The following LARP1B variants were observed in gnomAD, a reference collection of about 807,000 sequenced individuals.
The protein encoded by LARP1B is La ribonucleoprotein 1B.
LARP1B carries 76 observed loss-of-function variants against 114.2 expected under a neutral mutation model. That is an observed-to-expected ratio of 0.67 (90% confidence interval 0.55 to 0.81). LARP1B has a LOEUF of 0.81. LARP1B is among the 30% of genes least tolerant of loss of function. The pLI is 0.00. For missense variants in LARP1B, 1,014 were observed against 1,075.8 expected, an observed-to-expected ratio of 0.94 and a Z score of 0.80; for synonymous variants, 345 against 348.0, an observed-to-expected ratio of 0.99 and a Z score of 0.10.
intron 8 of LARP1B, among the ~76,000 whole-genome samples, chr4:128,103,232 A>G (rs367583752): frequency 1.3e-5 from 2 of 152,128 alleles, no homozygotes; most frequent in Non-Finnish European, 2.9e-5. Flanking sequence ...TAATTTTTAT[A>G]TGATCCTTTT....
Position 128,199,450 on chromosome 4 carries a change from C to G in LARP1B, c.2015C>G (p.Ala672Gly). 1 of 1,533,814 alleles carries G rather than the reference C, an allele frequency of 6.5e-7. No homozygotes were observed. The highest frequency in any genetic ancestry group is 8.8e-7 in the Non-Finnish European group (1 of 1,137,096). The change falls in exon 16 of 20, where the codon GCT becomes GGT. Residue 672 changes from alanine (A) to glycine (G), a missense_variant. Physicochemically the swap from Ala to Gly is moderately conservative, Grantham distance 60 (BLOSUM62 0). Coordinates refer to ENST00000326639, the MANE Select transcript of LARP1B (RefSeq NM_018078.4). The stretch of plus-strand genomic sequence containing the variant: ...CCTTTCTCAAACAGCACTTCAAATG[C>G]TTCACCTTCAGAAGGCGCACCACTA... ...PGTSSVSTSN[A>G]SPSEGAPLAG...
intron 15 of LARP1B, among the ~76,000 whole-genome samples, chr4:128,195,413 G>C (rs1336199024): frequency 6.6e-6 from 1 of 151,976 alleles, no homozygotes; most frequent in African/African-American, 2.4e-5. Context: ...CTACCTCTTT[G>C]CTTCCTTCTG....
At chr4:128,116,068 G>A (rs1785705428) in intron 10 of LARP1B, among the ~76,000 whole-genome samples, 1 of 152,198 alleles carries the variant, frequency 6.6e-6, no homozygotes, top group Non-Finnish European at 1.5e-5. Context: ...GATTTAATGT[G>A]CAAAAGGAAA....
chr4:128,113,254 A>C (rs1784704794), intron 9 of LARP1B, among the ~76,000 whole-genome samples: 1 of 152,194 alleles, frequency 6.6e-6, no homozygotes, highest in Non-Finnish European at 1.5e-5. Flanking sequence ...AGATCTAAAC[A>C]TGAATATAAC....
downstream of LARP1B, among the ~76,000 whole-genome samples, chr4:128,213,772 A>G (rs1355056650): frequency 2.0e-5 from 3 of 152,184 alleles, no homozygotes; most frequent in Non-Finnish European, 4.4e-5. Flanking sequence ...GACATTTTCT[A>G]TATAAAAGGA....
At chr4:128,075,081 A>G in intron 3 of LARP1B, 88 bp downstream of exon 3, 1 of 912,286 alleles carries the variant, frequency 1.1e-6, no homozygotes, top group Non-Finnish European at 1.7e-6. Context: ...TAAAATGTAA[A>G]GAATTGTCAT....
chr4:128,090,352 C>A (rs1775452597), intron 5 of LARP1B, among the ~76,000 whole-genome samples: 1 of 152,184 alleles, frequency 6.6e-6, no homozygotes, highest in South Asian at 2.1e-4. Flanking sequence ...GGATTGCCGG[C>A]CTGAGCCACC....
At chr4:128,100,147 A>G (rs765888603) in intron 8 of LARP1B, among the ~76,000 whole-genome samples, 55 of 151,908 alleles carry the variant, frequency 3.6e-4, no homozygotes, top group Middle Eastern at 3.4e-3. Context: ...TTTTTAATAG[A>G]GACGAGATTT....
intron 4 of LARP1B, among the ~76,000 whole-genome samples, chr4:128,078,676 G>A (rs775528483): frequency 4.6e-5 from 7 of 151,692 alleles, no homozygotes; most frequent in Non-Finnish European, 8.8e-5. Flanking sequence ...ACACTTTGAA[G>A]GAATGAAAAT....
chr4:128,093,022 A>G, intron 7 of LARP1B: 1 of 985,360 alleles, frequency 1.0e-6, no homozygotes, highest in East Asian at 1.1e-4. Context: ...TAGAATCCAG[A>G]GCCTCTAAGG....
Position 128,178,392 on chromosome 4 carries a change from C to T in LARP1B, c.1685-39C>T, listed in dbSNP as rs201339092. ...CTTATTCTCAAAGTAAAATATTTTC[C>T]TAGCATCTAAATAATTTTAAGAGTT... On this transcript the variant is annotated intron_variant, in intron 13 of 19. Coordinates refer to ENST00000326639, the MANE Select transcript of LARP1B (RefSeq NM_018078.4). The T allele has an allele frequency of 4.6e-5, 65 of 1,399,742 alleles. No homozygotes were observed. In the African/African-American group the frequency reaches 8.6e-4, roughly 19 times the overall value. 86.7% of individuals were successfully genotyped at this position (1,399,742 alleles called of 1,614,324 possible).
chr4:128,122,715 A>G, intron 11 of LARP1B: 9 of 1,292,822 alleles, frequency 7.0e-6, no homozygotes, highest in Admixed American at 7.2e-5. Context: ...CTGGATGATT[A>G]TCTCTCTTGG....
chr4:128,212,909 T>C (rs1372861740), downstream of LARP1B, among the ~76,000 whole-genome samples: 1 of 115,628 alleles, frequency 8.6e-6, no homozygotes, highest in African/African-American at 3.1e-5. Flanking sequence ...TTTAAATCTC[T>C]CTCTTTTTTT....
intron 4 of LARP1B, among the ~76,000 whole-genome samples, chr4:128,080,829 C>CT (rs1489047470): frequency 6.6e-6 from 1 of 151,934 alleles, no homozygotes; most frequent in Non-Finnish European, 1.5e-5. Flanking sequence ...AAATTTTATA[C>CT]TTATCCCTCT....
intron 15 of LARP1B, among the ~76,000 whole-genome samples, chr4:128,186,769 A>G (rs553020777): frequency 4.6e-5 from 7 of 152,312 alleles, no homozygotes; most frequent in Non-Finnish European, 8.8e-5. Flanking sequence ...CCTTGTAGGC[A>G]TTTTAGAGAC....
intron 5 of LARP1B, 56 bp downstream of exon 5, chr4:128,082,361 G>A (rs902531748): frequency 8.0e-6 from 12 of 1,491,312 alleles, no homozygotes; most frequent in African/African-American, 2.8e-5. Flanking sequence ...CTTAATGCTC[G>A]TTATTTTAGT....
At chr4:128,096,169 A>G (rs1364801644) in intron 7 of LARP1B, among the ~76,000 whole-genome samples, 4 of 151,670 alleles carry the variant, frequency 2.6e-5, no homozygotes, top group African/African-American at 7.3e-5. Context: ...AATTTTTTGT[A>G]TTTTTAGTAG....
At chr4:128,110,830 A>AT (rs1158098674) in intron 9 of LARP1B, among the ~76,000 whole-genome samples, 5 of 151,862 alleles carry the variant, frequency 3.3e-5, no homozygotes, top group African/African-American at 1.2e-4. Flanking sequence ...ATTTCTAAGC[A>AT]TATGTGTTGG....
chr4:128,095,508 A>G (rs1777588080), intron 7 of LARP1B, among the ~76,000 whole-genome samples: 1 of 151,834 alleles, frequency 6.6e-6, no homozygotes, highest in Non-Finnish European at 1.5e-5. Flanking sequence ...AAAAAAAAAA[A>G]AAAGTAAATG....
Sources: gnomAD v4.1 joint callset for allele counts (sites outside exome capture counted in the v4.1 genomes callset) on GRCh38, gnomAD v4.1.1 for gene constraint, MANE v1.5 for transcripts, NCBI Gene and HGNC (gene_info 2026-07-23, HGNC 2026-07-21) for gene names.